Variants in TJP2 observed in about 807,000 individuals in gnomAD.
TJP2 encodes the protein tight junction protein 2.
A neutral mutation model predicts 133.1 loss-of-function variants in TJP2; 91 were observed. That is an observed-to-expected ratio of 0.68 (90% CI 0.58 to 0.81). The LOEUF is 0.81. Ranked by LOEUF, TJP2 falls within the 40% of genes least tolerant of loss-of-function variation. The probability of loss-of-function intolerance (pLI) is 0.00; values close to 1 mark genes in which losing one functional copy is unlikely to be tolerated. For synonymous variants in TJP2, 592 were observed against 583.4 expected (o/e 1.01, Z -0.21); for missense variants, 1,541 against 1,565.6 (o/e 0.98, Z 0.26).
Position 69,226,070 on chromosome 9 carries a change from T to C in TJP2, c.1105T>C (p.Leu369=), listed in dbSNP as rs552929853. Residue 369 remains leucine, a synonymous_variant, in exon 7 of 23, where the codon TTG becomes CTG. Coordinates refer to ENST00000377245, the MANE Select transcript of TJP2 (RefSeq NM_004817.4). ...CATGTCTTTAACGGATGCTCGAAAATTGATAGAAAAGTCAAGAGGAAAACT... is the reference window on the plus strand; with the variant it reads ...CATGTCTTTAACGGATGCTCGAAAACTGATAGAAAAGTCAAGAGGAAAACT... The part of the protein sequence containing the change: ...ENMSLTDARK[L]IEKSRGKLQL... The C allele has an allele frequency of 1.9e-5, 30 of 1,614,100 alleles. 1 individual carries two copies. In the South Asian group the frequency reaches 3.1e-4, roughly 17 times the overall value.
intron 7 of TJP2, 75 bp downstream of exon 7, chr9:69,226,250 A>G: frequency 6.5e-7 from 1 of 1,528,312 alleles, no homozygotes; most frequent in South Asian, 1.2e-5. Flanking sequence ...TATTTAGTGT[A>G]GCTATCCAGC....
chr9:69,174,085 G>T, upstream of TJP2: 1 of 1,127,898 alleles, frequency 8.9e-7, no homozygotes, highest in Non-Finnish European at 1.1e-6. Context: ...CCTCGAAGGC[G>T]CGGCGCCGGC....
At chr9:69,222,261 C>T (rs947743017) in intron 5 of TJP2, among the ~76,000 whole-genome samples, 2 of 151,414 alleles carry the variant, frequency 1.3e-5, no homozygotes, top group Admixed American at 1.3e-4. Context: ...ACTGCAACCT[C>T]TGCCTCCTGG....
intron 14 of TJP2, among the ~76,000 whole-genome samples, 159 bp from the exon 15 acceptor site, chr9:69,237,719 G>A (rs1371504317): frequency 1.3e-5 from 2 of 152,174 alleles, no homozygotes; most frequent in Non-Finnish European, 2.9e-5. Context: ...GGTGAGGATA[G>A]TGAAGGCATA....
rs1419126725 is a variant in TJP2 at position 69,220,969 on chromosome 9, T to C, written c.425T>C (p.Val142Ala). 6.2e-7 allele frequency: 1 copy of C among 1,612,552 alleles called. No individual in the cohort carries two copies. Among genetic ancestry groups the C allele is most frequent in the Non-Finnish European group, 8.5e-7 (1 of 1,179,910 alleles). The change falls in exon 5 of 23, where the codon GTG becomes GCG. Residue 142 changes from valine (V) to alanine (A), a missense_variant. Physicochemically the swap from Val to Ala is moderately conservative, Grantham distance 64. Transcript: ENST00000377245. Reference sequence around the variant, plus strand: ...GATCAGGATGACCGGGCTTTTGAGGTGATGGACGAGTTTGATGGCAGAAGT... The same window carrying C: ...GATCAGGATGACCGGGCTTTTGAGGCGATGGACGAGTTTGATGGCAGAAGT... ...PLDQDDRAFEVMDEFDGRSFR... is the reference protein window; with the variant it reads ...PLDQDDRAFEAMDEFDGRSFR...
chr9:69,192,720 A>C (rs1826285536), intron 1 of TJP2, among the ~76,000 whole-genome samples: 1 of 151,652 alleles, frequency 6.6e-6, no homozygotes, highest in Admixed American at 6.6e-5. Flanking sequence ...TTTCTTACCT[A>C]CTCCTCAGTA....
At chr9:69,171,952 C>T (rs1029911089), upstream of TJP2, among the ~76,000 whole-genome samples, 7 of 152,064 alleles carry the variant, frequency 4.6e-5, no homozygotes, top group South Asian at 2.1e-4. Flanking sequence ...TGCGCCACCA[C>T]GCCCAGCTAA....
intron 17 of TJP2, among the ~76,000 whole-genome samples, chr9:69,243,937 A>C (rs569001206): frequency 6.6e-6 from 1 of 152,240 alleles, no homozygotes; most frequent in Admixed American, 6.5e-5. Context: ...AAATCCCAGC[A>C]CATTGGGAGG....
At chr9:69,180,134 A>G (rs1825389151) in intron 1 of TJP2, among the ~76,000 whole-genome samples, 1 of 152,242 alleles carries the variant, frequency 6.6e-6, no homozygotes, top group Non-Finnish European at 1.5e-5. Context: ...TAAACACACG[A>G]GTTAGTGACA....
At chr9:69,131,292 G>A (rs1198873269) in intron 1 of TJP2, among the ~76,000 whole-genome samples, 2 of 152,146 alleles carry the variant, frequency 1.3e-5, no homozygotes, top group Admixed American at 6.5e-5. Flanking sequence ...CTTGATATAA[G>A]CCGATTCTGA....
At chr9:69,169,370 G>C (rs1014737788), upstream of TJP2, among the ~76,000 whole-genome samples, 1 of 53,210 alleles carries the variant, frequency 1.9e-5, no homozygotes, top group South Asian at 5.5e-4. Flanking sequence ...TTTTTTTTTT[G>C]GGGGGGGGAT....
At chr9:69,147,599 C>G (rs1823269351) in intron 1 of TJP2, among the ~76,000 whole-genome samples, 1 of 152,138 alleles carries the variant, frequency 6.6e-6, no homozygotes, top group African/African-American at 2.4e-5. Flanking sequence ...TAAACAAGCT[C>G]CCATGATTCA....
intron 11 of TJP2, 128 bp downstream of exon 11, chr9:69,230,360 C>A (rs536880388): frequency 1.7e-6 from 2 of 1,207,818 alleles, no homozygotes; most frequent in South Asian, 1.3e-5. Flanking sequence ...TTGTTGATGC[C>A]CAGCATTGAA....
chr9:69,244,186 A>C (rs1298757337), intron 17 of TJP2, among the ~76,000 whole-genome samples: 3 of 128,774 alleles, frequency 2.3e-5, no homozygotes, highest in Admixed American at 2.3e-4. Flanking sequence ...TGTCTCAGGA[A>C]AAAAAAAAAA....
chr9:69,223,854 C>T (rs1216635985), intron 5 of TJP2, among the ~76,000 whole-genome samples: 5 of 152,170 alleles, frequency 3.3e-5, no homozygotes, highest in African/African-American at 4.8e-5. Flanking sequence ...ACAAGTTTAC[C>T]GTAAATCATT....
chr9:69,170,087 A>G (rs1824595353), upstream of TJP2, among the ~76,000 whole-genome samples: 1 of 152,108 alleles, frequency 6.6e-6, no homozygotes, highest in African/African-American at 2.4e-5. Context: ...AGGCTCAAGC[A>G]ATCCTCCTGT....
At position 69,225,305 on chromosome 9, in the gene TJP2, G is replaced by A. The variant is rs1281864403; in HGVS notation, c.954G>A (p.Glu318=). The part of the protein sequence containing the change: ...VLLMKSRANE[E]YGLRLGSQIF... ...TATGTTTATGTGTTTGTCTCCTAGA[G>A]TATGGTCTCCGGCTTGGGAGTCAGA... is the stretch of plus-strand genomic sequence containing the variant. The change falls in exon 6 of 23, where the codon GAG becomes GAA. Residue 318 remains glutamate, a splice_region_variant and synonymous_variant. Transcript: ENST00000377245. 6.2e-7 allele frequency: 1 copy of A among 1,608,984 alleles called. No individual in the cohort carries two copies. Among genetic ancestry groups the A allele is most frequent in the Non-Finnish European group, 8.5e-7 (1 of 1,175,586 alleles).
At chr9:69,235,307 ATTTATTTATTTATTTAT>A (rs1310927427) in intron 12 of TJP2, among the ~76,000 whole-genome samples, 1 of 50,998 alleles carries the variant, frequency 2.0e-5, no homozygotes, top group Non-Finnish European at 3.7e-5. Context: ...TTATTTATTT[ATTTATTTATTTATTTAT>A]TTATTATTAT....
chr9:69,216,371 C>G lies in TJP2; in HGVS notation c.147C>G (p.Ser49=). 1 of 1,614,034 alleles carries G rather than the reference C, an allele frequency of 6.2e-7. No individual in the cohort carries two copies. The highest frequency in any genetic ancestry group is 8.5e-7 in the Non-Finnish European group (1 of 1,180,002). The change falls in exon 3 of 23, where the codon TCC becomes TCG. Residue 49 remains serine (S), a synonymous_variant. Coordinates refer to ENST00000377245, the MANE Select transcript of TJP2 (RefSeq NM_004817.4). The stretch of plus-strand genomic sequence containing the variant: ...AAAGAGGATTTGGAATTGCAGTGTC[C>G]GGAGGCAGAGACAACCCCCACTTTG... ...DSKRGFGIAV[S]GGRDNPHFEN... is the part of the protein sequence containing the mutation.
Sources: allele counts gnomAD v4.1 joint callset (sites outside exome capture counted in the v4.1 genomes callset), GRCh38; gene constraint gnomAD v4.1.1; transcripts MANE v1.5; gene names NCBI Gene and HGNC (gene_info 2026-07-23, HGNC 2026-07-21).